Variants in VPS13B observed in about 807,000 individuals in gnomAD.
VPS13B encodes the protein vacuolar protein sorting 13 homolog B.
In VPS13B, 285 loss-of-function variants were observed where a neutral mutation model predicts 426.4. The observed-to-expected ratio is 0.67, with a 90% CI of 0.61 to 0.74. The LOEUF (loss-of-function observed/expected upper bound fraction) is 0.74, where lower values mean the gene tolerates loss of function less well. Ranked by LOEUF, VPS13B falls within the 30% of genes least tolerant of loss-of-function variation. The pLI, the probability that VPS13B is intolerant of heterozygous loss-of-function variation, is 0.00. For missense variants in VPS13B, 4,537 were observed against 4,782.6 expected (o/e 0.95, Z 1.51); for synonymous variants, 1,676 against 1,676.4 (o/e 1.00, Z 0.01).
At chr8:99,376,143 A>G (rs1251434371) in intron 19 of VPS13B, among the ~76,000 whole-genome samples, 1 of 152,188 alleles carries the variant, frequency 6.6e-6, no homozygotes, top group Non-Finnish European at 1.5e-5. Context: ...AGTAAACCAC[A>G]CTTTTCTCAT....
chr8:99,340,801 T>G (rs1195740961), intron 19 of VPS13B: 2 of 338,494 alleles, frequency 5.9e-6, no homozygotes, highest in Non-Finnish European at 6.0e-6. Context: ...TTGCAGTTGG[T>G]GGTGTGGCAC....
chr8:99,138,326 C>T (rs1810196398), intron 12 of VPS13B, among the ~76,000 whole-genome samples: 2 of 152,152 alleles, frequency 1.3e-5, no homozygotes, highest in Non-Finnish European at 2.9e-5. Context: ...GGGGTTTGGC[C>T]ATGTTGGCCA....
At chr8:99,081,039 TG>T (rs1209576050) in intron 3 of VPS13B, among the ~76,000 whole-genome samples, 1 of 152,224 alleles carries the variant, frequency 6.6e-6, no homozygotes, top group Non-Finnish European at 1.5e-5. Flanking sequence ...TCATGAGGTT[TG>T]TTTACTTCTG....
chr8:99,873,669 C>G (rs1340388053), intron 61 of VPS13B, among the ~76,000 whole-genome samples: 1 of 152,140 alleles, frequency 6.6e-6, no homozygotes, highest in Non-Finnish European at 1.5e-5. Context: ...TGTCTATAAC[C>G]CCAACCTCTC....
chr8:99,287,473 A>T (rs1819511558), intron 19 of VPS13B, among the ~76,000 whole-genome samples: 1 of 151,984 alleles, frequency 6.6e-6, no homozygotes, highest in South Asian at 2.1e-4. Context: ...TTTTTATGAG[A>T]ATAAAACACT....
intron 17 of VPS13B, among the ~76,000 whole-genome samples, chr8:99,263,586 C>G (rs921755076): frequency 6.6e-6 from 1 of 152,156 alleles, no homozygotes; most frequent in African/African-American, 2.4e-5. Context: ...ACCCCCTTCC[C>G]CCATCTCTAA....
intron 17 of VPS13B, among the ~76,000 whole-genome samples, chr8:99,205,179 A>C (rs757254680): frequency 7.5e-4 from 115 of 152,352 alleles, no homozygotes; most frequent in Non-Finnish European, 1.3e-3. Context: ...CAGCCATAAA[A>C]ATTGATGAGT....
At chr8:99,812,694 G>A (rs1813780195) in intron 44 of VPS13B, among the ~76,000 whole-genome samples, 2 of 152,084 alleles carry the variant, frequency 1.3e-5, no homozygotes, top group Non-Finnish European at 2.9e-5. Flanking sequence ...CCATCTTTTT[G>A]TTGAAGAAAC....
intron 24 of VPS13B, among the ~76,000 whole-genome samples, chr8:99,469,596 T>C (rs993341349): frequency 1.3e-5 from 2 of 152,228 alleles, no homozygotes; most frequent in Non-Finnish European, 2.9e-5. Context: ...ATGAAATGAC[T>C]ATCTTCTTTG....
At chr8:99,294,486 C>G (rs557572815) in intron 19 of VPS13B, among the ~76,000 whole-genome samples, 1 of 149,560 alleles carries the variant, frequency 6.7e-6, no homozygotes, top group South Asian at 2.1e-4. Context: ...CACATGTATA[C>G]ATATGTAACT....
chr8:99,409,798 A>G (rs1355772349), intron 21 of VPS13B, among the ~76,000 whole-genome samples: 1 of 152,212 alleles, frequency 6.6e-6, no homozygotes, highest in Non-Finnish European at 1.5e-5. Context: ...TCAGGAATCA[A>G]ATAAGATGAG....
intron 56 of VPS13B, among the ~76,000 whole-genome samples, chr8:99,857,846 C>T (rs147128029): frequency 1.0e-3 from 152 of 152,338 alleles, no homozygotes; most frequent in Admixed American, 4.3e-3. Flanking sequence ...GCCTGGCATC[C>T]ATAGGGCCTC....
intron 2 of VPS13B, among the ~76,000 whole-genome samples, chr8:99,028,414 G>A (rs1271426062): frequency 4.1e-5 from 6 of 145,186 alleles, no homozygotes; most frequent in East Asian, 2.1e-4. Flanking sequence ...CCTCCCTCCC[G>A]GACGGGGCGG....
In VPS13B at chr8:99,239,249, A is replaced by T. The variant is rs369614514; in HGVS notation, c.2516-34949A>T. Among the ~76,000 whole-genome samples, 10 of 152,330 alleles carry T rather than the reference A, an allele frequency of 6.6e-5. 2 individuals are homozygous for T. Among genetic ancestry groups the T allele is most frequent in the African/African-American group, 2.4e-4 (10 of 41,586 alleles). ...CTATATAAATCTGAGGTTCTTCTCA[A>T]CAGGTTATATCCAATTCTGTCATAA... On this transcript the variant is annotated intron_variant, in intron 17 of 61. Transcript: ENST00000357162.
Position 99,859,357 on chromosome 8 carries a change from A to G in VPS13B, c.10921A>G (p.Ser3641Gly), listed in dbSNP as rs763944472. ...ILGSPASLVR[S>G]IGNGVADFFR... Reference sequence around the variant, plus strand: ...TGGCAGCCCTGCAAGCCTGGTGAGAAGCATCGGGAACGGGGTCGCCGACTT... The same window carrying G: ...TGGCAGCCCTGCAAGCCTGGTGAGAGGCATCGGGAACGGGGTCGCCGACTT... The change falls in exon 57 of 62, where the codon AGC becomes GGC. Residue 3641 changes from serine (S) to glycine (G), a missense_variant. Coordinates refer to ENST00000357162, the MANE Select transcript of VPS13B (RefSeq NM_152564.5). 16 of 1,613,956 alleles carry G rather than the reference A, an allele frequency of 9.9e-6. No homozygotes were observed. The highest frequency in any genetic ancestry group is 1.4e-5 in the Non-Finnish European group (16 of 1,180,010).
chr8:99,044,932 C>T (rs968697655), intron 3 of VPS13B, among the ~76,000 whole-genome samples: 8 of 151,096 alleles, frequency 5.3e-5, no homozygotes, highest in Non-Finnish European at 7.4e-5. Context: ...TTTATCCGCT[C>T]GTCGATTGAC....
intron 3 of VPS13B, among the ~76,000 whole-genome samples, chr8:99,076,459 A>G (rs1588002532): frequency 6.6e-6 from 1 of 152,176 alleles, no homozygotes; most frequent in East Asian, 1.9e-4. Flanking sequence ...GGGGTATTCA[A>G]ATGCCCCACT....
Position 99,850,293 on chromosome 8 carries a change from AAGTACGCATGTATGTACTTATACATACAT to A in VPS13B, c.10061+1401_10061+1429del, listed in dbSNP as rs1457390615. Among the ~76,000 whole-genome samples the A allele has an allele frequency of 3.1e-3, 388 of 125,522 alleles. 41 individuals carry two copies. The highest frequency in any genetic ancestry group is 4.6e-3 in the African/African-American group (137 of 29,466). The allele number at this position is 125,522 out of a possible 152,430, so 82.3% of individuals were successfully genotyped here. A position where few individuals can be genotyped will look rare whatever the true frequency, so the allele number is the denominator to read the frequency against. On this transcript the variant is annotated intron_variant, in intron 55 of 61. Coordinates refer to ENST00000357162, the MANE Select transcript of VPS13B (RefSeq NM_152564.5). ...CGCATGTATGTACTTATACATACAT[AAGTACGCATGTATGTACTTATACATACAT>A]AAGTACGCATGTATGTACTTATACA... is the stretch of plus-strand genomic sequence containing the variant.
At chr8:99,446,605 A>G (rs1319893958) in intron 23 of VPS13B, among the ~76,000 whole-genome samples, 1 of 151,810 alleles carries the variant, frequency 6.6e-6, no homozygotes, top group East Asian at 1.9e-4. Flanking sequence ...TGATTTGCTG[A>G]CCTGCATTCC....
Sources: allele counts gnomAD v4.1 joint callset (sites outside exome capture counted in the v4.1 genomes callset), GRCh38; gene constraint gnomAD v4.1.1; transcripts MANE v1.5; gene names NCBI Gene and HGNC (gene_info 2026-07-23, HGNC 2026-07-21).